GPC5: variants seen among roughly 807,000 people sequenced by gnomAD.
GPC5 encodes glypican-5.
A neutral mutation model predicts 53.9 loss-of-function variants in GPC5; 47 were observed. The observed-to-expected ratio is 0.87, with a 90% CI of 0.69 to 1.11. GPC5 has a LOEUF of 1.11. GPC5 is among the 50% of genes most tolerant of loss of function. GPC5 has a pLI of 0.00. For missense variants in GPC5, 748 were observed against 713.1 expected, an observed-to-expected ratio of 1.05 and a Z score of -0.56; for synonymous variants, 286 against 263.3, an observed-to-expected ratio of 1.09 and a Z score of -0.84.
chr13:92,416,240 C>T (rs1876284345), intron 7 of GPC5, among the ~76,000 whole-genome samples: 1 of 152,176 alleles, frequency 6.6e-6, no homozygotes, highest in Non-Finnish European at 1.5e-5. Context: ...GACTCTTTCT[C>T]ATCACAGAGT....
chr13:92,413,636 G>A (rs1162291394), intron 7 of GPC5, among the ~76,000 whole-genome samples: 1 of 152,164 alleles, frequency 6.6e-6, no homozygotes, highest in Non-Finnish European at 1.5e-5. Context: ...CAAGGGTAGT[G>A]AAAACAGAAT....
intron 6 of GPC5, among the ~76,000 whole-genome samples, chr13:91,963,857 G>A (rs998535539): frequency 1.3e-5 from 2 of 152,180 alleles, no homozygotes; most frequent in Non-Finnish European, 2.9e-5. Flanking sequence ...ATCAATCATA[G>A]AACACTTTCT....
intron 7 of GPC5, among the ~76,000 whole-genome samples, chr13:92,353,279 A>G (rs1026838019): frequency 6.6e-6 from 1 of 150,556 alleles, no homozygotes; most frequent in Non-Finnish European, 1.5e-5. Flanking sequence ...AAAAAAAAAA[A>G]AAAAAGAAAT....
chr13:91,660,726 T>C (rs1435522921), intron 2 of GPC5, among the ~76,000 whole-genome samples: 1 of 152,208 alleles, frequency 6.6e-6, no homozygotes, highest in African/African-American at 2.4e-5. Flanking sequence ...CTGGAAGGCA[T>C]AGACAATTGT....
chr13:91,826,010 C>T (rs1034474348), intron 5 of GPC5, among the ~76,000 whole-genome samples: 4 of 151,926 alleles, frequency 2.6e-5, no homozygotes, highest in African/African-American at 4.8e-5. Flanking sequence ...TGAGACAGAT[C>T]GTGAAGTTAG....
At chr13:92,540,476 C>A (rs924472550) in intron 7 of GPC5, among the ~76,000 whole-genome samples, 11 of 151,690 alleles carry the variant, frequency 7.3e-5, no homozygotes, top group African/African-American at 2.4e-4. Flanking sequence ...ATTTTCTTAC[C>A]GTTGATATTT....
chr13:92,016,299 A>G (rs955925431), intron 6 of GPC5, among the ~76,000 whole-genome samples: 3 of 152,180 alleles, frequency 2.0e-5, no homozygotes, highest in African/African-American at 7.2e-5. Flanking sequence ...TTTTTCATAT[A>G]TTATTTATAC....
chr13:92,059,336 C>A lies in GPC5; in HGVS notation c.1402-85494C>A, dbSNP rs140710029. 5.3e-3 allele frequency among the ~76,000 whole-genome samples: 807 copies of A among 152,072 alleles called. 5 individuals are homozygous for A. The highest frequency in any genetic ancestry group is 8.5e-3 in the Non-Finnish European group (577 of 67,992). ...TAAACAAAAAGATTCAGAGTCATTG[C>A]AGAAAGATCATCAGTGCTGTTAGCA... On this transcript the variant is annotated intron_variant, in intron 6 of 7. Transcript: ENST00000377067.
intron 2 of GPC5, among the ~76,000 whole-genome samples, chr13:91,550,808 G>A (rs1024682162): frequency 6.6e-6 from 1 of 152,028 alleles, no homozygotes; most frequent in Non-Finnish European, 1.5e-5. Context: ...CCCCCATACT[G>A]TTCTTGTGGT....
chr13:92,808,948 G>A (rs1197459637), intron 7 of GPC5, among the ~76,000 whole-genome samples: 1 of 152,042 alleles, frequency 6.6e-6, no homozygotes, highest in East Asian at 1.9e-4. Context: ...GGAAAGACAA[G>A]ATACTAGGAG....
At chr13:91,841,714 A>C (rs2038790129) in intron 5 of GPC5, among the ~76,000 whole-genome samples, 1 of 152,194 alleles carries the variant, frequency 6.6e-6, no homozygotes, top group Non-Finnish European at 1.5e-5. Flanking sequence ...AAGAAAGGAA[A>C]AATGAGGGAA....
chr13:91,510,342 A>G (rs777226461), intron 2 of GPC5, among the ~76,000 whole-genome samples: 17 of 152,206 alleles, frequency 1.1e-4, no homozygotes, highest in Non-Finnish European at 2.1e-4. Flanking sequence ...ACATCTACAC[A>G]TATGAAAACT....
At chr13:92,650,821 T>G (rs1594382945) in intron 7 of GPC5, among the ~76,000 whole-genome samples, 1 of 152,304 alleles carries the variant, frequency 6.6e-6, no homozygotes, top group African/African-American at 2.4e-5. Context: ...CTTTAAGTTC[T>G]GAGAGACATG....
chr13:92,254,552 C>T (rs1594040140), intron 7 of GPC5, among the ~76,000 whole-genome samples: 2 of 151,932 alleles, frequency 1.3e-5, no homozygotes, highest in South Asian at 2.1e-4. Context: ...TTCAGAACCA[C>T]GAATAAAAAA....
chr13:91,954,090 A>G (rs997857986), intron 6 of GPC5, among the ~76,000 whole-genome samples: 1 of 152,228 alleles, frequency 6.6e-6, no homozygotes, highest in Non-Finnish European at 1.5e-5. Flanking sequence ...TTATTCTGTG[A>G]TTTAAAATCT....
chr13:92,524,093 A>T (rs1236314300), intron 7 of GPC5, among the ~76,000 whole-genome samples: 1 of 152,088 alleles, frequency 6.6e-6, no homozygotes, highest in Non-Finnish European at 1.5e-5. Flanking sequence ...AGACAATGAT[A>T]AAGTTTGCCA....
chr13:92,814,844 G>T (rs1195028770), intron 7 of GPC5, among the ~76,000 whole-genome samples: 1 of 151,778 alleles, frequency 6.6e-6, no homozygotes, highest in African/African-American at 2.4e-5. Flanking sequence ...ATTTAAATTT[G>T]TTTTGATCAA....
chr13:92,166,893 C>T (rs950682103), intron 7 of GPC5, among the ~76,000 whole-genome samples: 2 of 149,260 alleles, frequency 1.3e-5, no homozygotes, highest in African/African-American at 4.9e-5. Context: ...GCAGTCTGAT[C>T]TGTATCCAAA....
In GPC5 at chr13:92,771,733, C is replaced by T. The variant is rs535497712; in HGVS notation, c.1562-94549C>T. Reference sequence around the variant, plus strand: ...TTATTCAACCATATTTACCTCTCCACCTAAATGTATTTCTTGGAGATCTCA... The same window carrying T: ...TTATTCAACCATATTTACCTCTCCATCTAAATGTATTTCTTGGAGATCTCA... On this transcript the variant is annotated intron_variant, in intron 7 of 7. Transcript: ENST00000377067. Among the ~76,000 whole-genome samples the T allele has an allele frequency of 2.6e-5, 4 of 152,232 alleles. No homozygotes were observed. In the South Asian group the frequency reaches 8.3e-4, roughly 32 times the overall value.
Sources: allele counts gnomAD v4.1 joint callset (sites outside exome capture counted in the v4.1 genomes callset), GRCh38; gene constraint gnomAD v4.1.1; transcripts MANE v1.5; gene names NCBI Gene and HGNC (gene_info 2026-07-23, HGNC 2026-07-21).